The following GCA variants were observed in gnomAD, a reference collection of about 807,000 sequenced individuals.
GCA encodes the protein grancalcin, also known as grancalcin, EF-hand calcium-binding protein.
Under a neutral mutation model 32.6 loss-of-function variants are expected in GCA, and 30 were observed. That is an observed-to-expected ratio of 0.92 (90% confidence interval 0.69 to 1.25). The LOEUF is 1.25. Among genes scored for constraint, GCA ranks in the 50% most tolerant of loss-of-function variants. The pLI, the probability that GCA is intolerant of heterozygous loss-of-function variation, is 0.00. For synonymous variants in GCA, 102 were observed against 84.6 expected (o/e 1.21, Z -1.13); for missense variants, 291 against 266.8 (o/e 1.09, Z -0.63).
intron 1 of GCA, among the ~76,000 whole-genome samples, chr2:162,331,426 C>T (rs1684079638): frequency 2.6e-5 from 4 of 152,144 alleles, no homozygotes; most frequent in Admixed American, 2.6e-4. Flanking sequence ...ATTATTGTGT[C>T]CCCTTCAATA....
At chr2:162,340,091 T>C (rs1226757249), upstream of GCA, among the ~76,000 whole-genome samples, 1 of 152,206 alleles carries the variant, frequency 6.6e-6, no homozygotes, top group Admixed American at 6.5e-5. Context: ...ATCAGCAATT[T>C]GTTAGGGCCA....
intron 6 of GCA, 30 bp from the exon 7 acceptor site, chr2:162,359,464 A>G: frequency 9.1e-7 from 1 of 1,098,324 alleles, no homozygotes; most frequent in Non-Finnish European, 1.4e-6. Flanking sequence ...ATTTTAAATT[A>G]CAATAAAAAA....
At chr2:162,367,234 C>T (rs760223502), downstream of GCA, among the ~76,000 whole-genome samples, 3 of 151,858 alleles carry the variant, frequency 2.0e-5, no homozygotes, top group South Asian at 2.1e-4. Context: ...CCATTTCCAC[C>T]GTTCCGCACA....
At chr2:162,356,691 T>C (rs747268405) in intron 4 of GCA, 67 bp from the exon 5 acceptor site, 3 of 1,230,808 alleles carry the variant, frequency 2.4e-6, no homozygotes, top group Non-Finnish European at 3.5e-6. Context: ...TACTCATGTT[T>C]TAGTCAATGA....
chr2:162,360,420 T>A lies in GCA; in HGVS notation c.*177T>A. ...TCAAAGCAATAAAAGATTTCTTTTT[T>A]AATTTGAGGTATTACTGCTTTTGGA... On this transcript the variant is annotated 3_prime_UTR_variant, in exon 8 of 8. Transcript: ENST00000437150. The A allele has an allele frequency of 8.1e-7, 1 of 1,227,906 alleles. No individual in the cohort carries two copies. The highest frequency in any genetic ancestry group is 1.1e-6 in the Non-Finnish European group (1 of 945,866). The allele number at this position is 1,227,906 out of a possible 1,614,324, so 76.1% of individuals were successfully genotyped here.
chr2:162,364,867 C>T (rs956647386), downstream of GCA, among the ~76,000 whole-genome samples: 1 of 151,494 alleles, frequency 6.6e-6, no homozygotes, highest in African/African-American at 2.4e-5. Flanking sequence ...TGTTTATCCA[C>T]CAGAAATTTT....
At chr2:162,366,902 A>C (rs941407622), downstream of GCA, among the ~76,000 whole-genome samples, 1 of 151,842 alleles carries the variant, frequency 6.6e-6, no homozygotes, top group African/African-American at 2.4e-5. Flanking sequence ...TACAGTATGA[A>C]TGTGCATGTT....
At chr2:162,333,597 G>T (rs1418108749) in intron 1 of GCA, among the ~76,000 whole-genome samples, 2 of 151,940 alleles carry the variant, frequency 1.3e-5, no homozygotes, top group African/African-American at 4.8e-5. Flanking sequence ...AGTCTCAAGG[G>T]ACATATTCAT....
intron 3 of GCA, among the ~76,000 whole-genome samples, chr2:162,353,714 T>C (rs946011301): frequency 6.6e-6 from 1 of 152,212 alleles, no homozygotes; most frequent in Non-Finnish European, 1.5e-5. Context: ...TCTTTGTCTT[T>C]AGTATTCTGC....
downstream of GCA, among the ~76,000 whole-genome samples, chr2:162,367,087 AAC>A (rs1408291378): frequency 1.3e-5 from 2 of 151,914 alleles, no homozygotes; most frequent in Non-Finnish European, 2.9e-5. Flanking sequence ...GAGGATCCTC[AAC>A]ACACCCCTTC....
chr2:162,371,802 G>T, downstream of GCA: 2 of 1,589,186 alleles, frequency 1.3e-6, no homozygotes, highest in South Asian at 1.1e-5. Context: ...CACTTACATT[G>T]TATGTGGAGT....
rs1245162387 is a variant in GCA at position 162,360,701 on chromosome 2, T to C, written c.*458T>C. On this transcript the variant is annotated 3_prime_UTR_variant, in exon 8 of 8. Transcript: ENST00000437150. ...TGGCTAGAAATGAAAGCCTGGATTT[T>C]GTGCCATGTTTGTAATATAGTTTGT... The C allele has an allele frequency of 7.4e-7, 1 of 1,358,588 alleles. No individual in the cohort carries two copies. The highest frequency in any genetic ancestry group is 9.4e-7 in the Non-Finnish European group (1 of 1,058,520). The allele number at this position is 1,358,588 out of a possible 1,614,324, so 84.2% of individuals were successfully genotyped here.
downstream of GCA, chr2:162,371,889 G>A (rs775977072): frequency 7.4e-6 from 12 of 1,613,574 alleles, no homozygotes; most frequent in South Asian, 1.3e-4. Context: ...TTCCTACAGT[G>A]CTTAGGGATG....
chr2:162,319,553 G>A (rs1410646718), intron 1 of GCA, among the ~76,000 whole-genome samples: 2 of 152,206 alleles, frequency 1.3e-5, no homozygotes, highest in Admixed American at 6.6e-5. Flanking sequence ...AGCAACTAAT[G>A]TACCAACTTG....
At chr2:162,373,920 T>C (rs1033579204), downstream of GCA, among the ~76,000 whole-genome samples, 2 of 152,194 alleles carry the variant, frequency 1.3e-5, no homozygotes, top group African/African-American at 2.4e-5. Context: ...AGACTACATG[T>C]TTACTAACCT....
At chr2:162,322,714 A>G (rs1683724793) in intron 1 of GCA, among the ~76,000 whole-genome samples, 1 of 151,252 alleles carries the variant, frequency 6.6e-6, no homozygotes, top group Non-Finnish European at 1.5e-5. Context: ...AATTTCATCC[A>G]TGTCCCTACA....
intron 1 of GCA, among the ~76,000 whole-genome samples, chr2:162,345,948 G>A (rs1221796069): frequency 6.6e-6 from 1 of 152,042 alleles, no homozygotes; most frequent in Non-Finnish European, 1.5e-5. Flanking sequence ...TGTTTTGATA[G>A]TATACTTTTA....
chr2:162,364,170 A>C (rs1402332357), downstream of GCA, among the ~76,000 whole-genome samples: 1 of 151,550 alleles, frequency 6.6e-6, no homozygotes, highest in African/African-American at 2.4e-5. Context: ...AAGTATGTAC[A>C]GATACGTACA....
chr2:162,347,664 C>G lies in GCA; in HGVS notation c.114C>G (p.Tyr38Ter), dbSNP rs201297392. The G allele has an allele frequency of 1.2e-5, 20 of 1,610,154 alleles. No individual in the cohort carries two copies. Among genetic ancestry groups the G allele is most frequent in the African/African-American group, 4.0e-5 (3 of 74,974 alleles). Residue 38 changes from tyrosine to a stop codon, truncating the protein, a stop_gained, in exon 2 of 8, where the codon TAC becomes TAG. Coordinates refer to ENST00000437150, the MANE Select transcript of GCA (RefSeq NM_012198.5). LOFTEE classifies it high-confidence loss of function. ...GCCCAGCTATACTCCTCGATGGATA[C>G]TCTGGGCCAGCATATTCAGACACTT... is the stretch of plus-strand genomic sequence containing the variant. ...ETGPAILLDG[Y>*]SGPAYSDTYS...
Sources: gnomAD v4.1 joint callset for allele counts (sites outside exome capture counted in the v4.1 genomes callset) on GRCh38, gnomAD v4.1.1 for gene constraint, MANE v1.5 for transcripts, NCBI Gene and HGNC (gene_info 2026-07-23, HGNC 2026-07-21) for gene names.